The following GTF2I variants were observed in gnomAD, a reference collection of about 807,000 sequenced individuals.
GTF2I encodes general transcription factor II-I.
A neutral mutation model predicts 67.6 loss-of-function variants in GTF2I; 12 were observed. The observed-to-expected ratio is 0.18, with a 90% CI of 0.11 to 0.29. The LOEUF (loss-of-function observed/expected upper bound fraction) is 0.29. GTF2I is among the 10% of genes least tolerant of loss of function. The pLI is 1.00. For synonymous variants in GTF2I, 149 were observed against 197.0 expected (o/e 0.76, Z 2.04); for missense variants, 271 against 580.1 (o/e 0.47, Z 5.47).
intron 6 of GTF2I, among the ~76,000 whole-genome samples, chr7:74,704,296 T>TTTATTTATTTATTTA (rs1554400691): frequency 1.2e-4 from 2 of 16,950 alleles, no homozygotes; most frequent in African/African-American, 4.2e-4. Context: ...TTATTTATTT[T>TTTATTTATTTATTTA]TTTATTTATT....
chr7:74,698,878 A>G (rs943454473), intron 3 of GTF2I, 83 bp from the exon 4 acceptor site: 3 of 612,096 alleles, frequency 4.9e-6, no homozygotes, highest in Non-Finnish European at 4.9e-6. Context: ...CAGGAAAACG[A>G]TTTTTACTAA....
Position 74,705,865 on chromosome 7 carries a change from G to A in GTF2I, c.642-525G>A, listed in dbSNP as rs371423180. On this transcript the variant is annotated intron_variant, in intron 7 of 34. Transcript: ENST00000573035. The stretch of plus-strand genomic sequence containing the variant: ...AGGCATGAGCCACCACGCCTGGCCC[G>A]ATAAGTCTTAATATGCTACTCTGTA... 1.0e-4 allele frequency among the ~76,000 whole-genome samples: 15 copies of A among 147,722 alleles called. No individual in the cohort carries two copies. In the East Asian group the frequency reaches 1.5e-3, roughly 14 times the overall value.
At chr7:74,658,673 C>G (rs1804169335) in intron 1 of GTF2I, among the ~76,000 whole-genome samples, 1 of 150,160 alleles carries the variant, frequency 6.7e-6, no homozygotes, top group Admixed American at 6.6e-5. Flanking sequence ...AGCGGGAGCG[C>G]TGTCCCCCGC....
At chr7:74,703,439 G>T (rs1790108694) in intron 6 of GTF2I, among the ~76,000 whole-genome samples, 1 of 146,452 alleles carries the variant, frequency 6.8e-6, no homozygotes, top group African/African-American at 2.8e-5. Context: ...GAGTGCGGTG[G>T]CATGATCTCA....
At chr7:74,739,032 T>TC (rs1795012332) in intron 19 of GTF2I, among the ~76,000 whole-genome samples, 1 of 53,052 alleles carries the variant, frequency 1.9e-5, no homozygotes, top group African/African-American at 4.8e-5. Context: ...ATCTTTTTTT[T>TC]TTTTTTTTTT....
intron 18 of GTF2I, among the ~76,000 whole-genome samples, chr7:74,737,310 G>A (rs1386027220): frequency 1.3e-5 from 2 of 149,202 alleles, no homozygotes; most frequent in African/African-American, 4.9e-5. Flanking sequence ...AGAGATGGAA[G>A]GTGTTTCAAG....
intron 1 of GTF2I, among the ~76,000 whole-genome samples, chr7:74,688,148 G>A (rs1231057478): frequency 6.6e-6 from 1 of 152,018 alleles, no homozygotes; most frequent in Non-Finnish European, 1.5e-5. Flanking sequence ...GCGTGATCTC[G>A]GCTCACTGCA....
At chr7:74,696,290 A>G (rs761593412) in intron 3 of GTF2I, among the ~76,000 whole-genome samples, 1 of 151,462 alleles carries the variant, frequency 6.6e-6, no homozygotes, top group Non-Finnish European at 1.5e-5. Context: ...CCTCATTGTT[A>G]ATAATTTGAT....
chr7:74,704,077 A>G (rs782125784), intron 6 of GTF2I, among the ~76,000 whole-genome samples: 1 of 152,152 alleles, frequency 6.6e-6, no homozygotes, highest in Admixed American at 6.5e-5. Context: ...TGACTAGAAT[A>G]TAAATGTCAC....
intron 3 of GTF2I, among the ~76,000 whole-genome samples, chr7:74,697,524 C>CT (rs1336778403): frequency 1.3e-5 from 2 of 152,176 alleles, no homozygotes; most frequent in African/African-American, 2.4e-5. Context: ...CCACATGTAT[C>CT]TATTTGTTAT....
At chr7:74,715,320 T>C (rs1434463435) in intron 10 of GTF2I, among the ~76,000 whole-genome samples, 1 of 152,188 alleles carries the variant, frequency 6.6e-6, no homozygotes, top group East Asian at 1.9e-4. Context: ...TTCGAATTGA[T>C]TGCCTTTTTG....
chr7:74,680,586 C>CA (rs1357831731), intron 1 of GTF2I, among the ~76,000 whole-genome samples: 1 of 151,844 alleles, frequency 6.6e-6, no homozygotes, highest in Admixed American at 6.6e-5. Context: ...ACTAAAAATA[C>CA]AAAAAATTAG....
chr7:74,708,793 C>A (rs587725181), intron 8 of GTF2I, among the ~76,000 whole-genome samples: 1 of 152,290 alleles, frequency 6.6e-6, no homozygotes, highest in Admixed American at 6.5e-5. Flanking sequence ...CCAGGCTGTT[C>A]TCTTTGGCTG....
At chr7:74,693,643 G>A (rs980183430) in intron 3 of GTF2I, among the ~76,000 whole-genome samples, 7 of 151,932 alleles carry the variant, frequency 4.6e-5, no homozygotes, top group Non-Finnish European at 8.8e-5. Flanking sequence ...TCAAGAGATC[G>A]AGACCATCCT....
intron 9 of GTF2I, 55 bp from the exon 10 acceptor site, chr7:74,714,802 C>A: frequency 1.6e-6 from 2 of 1,239,708 alleles, no homozygotes; most frequent in South Asian, 1.4e-5. Flanking sequence ...TAAAGTCACC[C>A]CACATTTTTT....
intron 11 of GTF2I, among the ~76,000 whole-genome samples, chr7:74,717,248 T>G (rs1017556139): frequency 2.0e-5 from 3 of 152,174 alleles, no homozygotes; most frequent in African/African-American, 4.8e-5. Flanking sequence ...AAATATCTTT[T>G]AAGGAAGAAT....
Position 74,743,364 on chromosome 7 carries a change from CAA to C in GTF2I, c.1679-84_1679-83del, listed in dbSNP as rs1295211634. ...ACAAACAAAAAAGAATCACTGCAAACAAGAGTACTTTCTAGCAAAATCCATTC... is the reference window on the plus strand; with the variant it reads ...ACAAACAAAAAAGAATCACTGCAAACGAGTACTTTCTAGCAAAATCCATTC... On this transcript the variant is annotated intron_variant, in intron 19 of 34. Coordinates refer to ENST00000573035, the MANE Select transcript of GTF2I (RefSeq NM_032999.4). The C allele has an allele frequency of 2.3e-4, 85 of 365,984 alleles. 3 individuals carry two copies. The highest frequency in any genetic ancestry group is 2.5e-4 in the Admixed American group (5 of 20,350). 22.7% of individuals were successfully genotyped at this position (365,984 alleles called of 1,614,324 possible).
At chr7:74,670,680 A>G (rs1278201527) in intron 1 of GTF2I, among the ~76,000 whole-genome samples, 1 of 146,478 alleles carries the variant, frequency 6.8e-6, no homozygotes, top group Middle Eastern at 3.2e-3. Flanking sequence ...ACAGAGTCAG[A>G]CTCTTTCTCA....
At chr7:74,675,683 C>T (rs1394301948) in intron 1 of GTF2I, among the ~76,000 whole-genome samples, 6 of 151,768 alleles carry the variant, frequency 4.0e-5, no homozygotes, top group African/African-American at 1.5e-4. Context: ...TATTTAAAAT[C>T]GGATTAAATT....
Sources: allele counts gnomAD v4.1 joint callset (sites outside exome capture counted in the v4.1 genomes callset), GRCh38; gene constraint gnomAD v4.1.1; transcripts MANE v1.5; gene names NCBI Gene and HGNC (gene_info 2026-07-23, HGNC 2026-07-21).